Variants in PRH1 observed in about 807,000 individuals in gnomAD.
PRH1 encodes proline rich protein HaeIII subfamily 1, also known as salivary acidic proline-rich phosphoprotein 1/2.
Under a neutral mutation model 7.9 loss-of-function variants are expected in PRH1, and 7 were observed. The observed-to-expected ratio is 0.89, with a 90% confidence interval of 0.50 to 1.67. The LOEUF (loss-of-function observed/expected upper bound fraction) is 1.67, where lower values mean the gene tolerates loss of function less well. Among genes scored for constraint, PRH1 ranks in the 40% most tolerant of loss-of-function variants. The pLI, the probability that PRH1 is intolerant of heterozygous loss-of-function variation, is 0.00. For missense variants in PRH1, 109 were observed against 223.6 expected, an observed-to-expected ratio of 0.49 and a Z score of 3.27; for synonymous variants, 45 against 80.8, an observed-to-expected ratio of 0.56 and a Z score of 2.38.
chr12:10,938,531 G>C lies in PRH1; in HGVS notation c.-59+35124C>G, dbSNP rs1950330728. ...GATCACACTTTTAACTCCTCTGTGG[G>C]CTTTGGTGCTGGCGTCTCCGGATAT... On this transcript the variant is annotated intron_variant, in intron 2 of 3. Transcript: ENST00000539853. 1.9e-6 allele frequency: 3 copies of C among 1,614,026 alleles called. No homozygotes were observed. The African/African-American group carries it at 4.0e-5, about 22-fold the overall frequency.
intron 2 of PRH1, among the ~76,000 whole-genome samples, chr12:10,907,322 G>A (rs1288563737): frequency 3.3e-5 from 5 of 152,038 alleles, no homozygotes; most frequent in Non-Finnish European, 7.4e-5. Context: ...ATTTATAATG[G>A]CCAATAATTG....
intron 1 of PRH1, among the ~76,000 whole-genome samples, chr12:11,136,589 GC>G (rs1461680106): frequency 2.0e-5 from 3 of 151,930 alleles, no homozygotes; most frequent in Non-Finnish European, 4.4e-5. Flanking sequence ...TCTATTTTTT[GC>G]CATTTGCATA....
At chr12:10,940,704 TAC>T (rs1333945933) in intron 2 of PRH1, among the ~76,000 whole-genome samples, 3 of 152,194 alleles carry the variant, frequency 2.0e-5, no homozygotes, top group Admixed American at 2.0e-4. Context: ...AGCAGCATGA[TAC>T]AGTCATTCTT....
intron 2 of PRH1, among the ~76,000 whole-genome samples, chr12:10,901,025 G>A (rs986205637): frequency 3.9e-5 from 6 of 152,110 alleles, no homozygotes; most frequent in Non-Finnish European, 8.8e-5. Flanking sequence ...TACCCTTCCT[G>A]TGCAGAGATT....
chr12:11,162,770 C>A (rs1947453074), intron 1 of PRH1, among the ~76,000 whole-genome samples: 1 of 152,130 alleles, frequency 6.6e-6, no homozygotes, highest in Non-Finnish European at 1.5e-5. Context: ...CTCTATGTCC[C>A]CAACAAATAC....
chr12:11,133,844 A>G, intron 1 of PRH1: 2 of 1,614,188 alleles, frequency 1.2e-6, no homozygotes, highest in South Asian at 1.1e-5. Context: ...CAAAGGCCCC[A>G]ACAGTATCAC....
chr12:11,022,071 T>C (rs1394861984), intron 1 of PRH1: 2 of 1,613,840 alleles, frequency 1.2e-6, no homozygotes, highest in East Asian at 4.5e-5. Flanking sequence ...CATTCCTCAA[T>C]TTGATCTTCC....
chr12:11,094,379 T>C (rs1178858907), intron 1 of PRH1, among the ~76,000 whole-genome samples: 3 of 112,356 alleles, frequency 2.7e-5, no homozygotes, highest in African/African-American at 9.1e-5. Context: ...TTTGGAGGGT[T>C]TTCTCCTGCA....
At chr12:11,156,465 C>A (rs1019223660) in intron 1 of PRH1, among the ~76,000 whole-genome samples, 1 of 152,192 alleles carries the variant, frequency 6.6e-6, no homozygotes, top group African/African-American at 2.4e-5. Context: ...TCTTCCAGAA[C>A]TCCAAAAGTA....
chr12:10,903,186 G>T (rs957602780), intron 2 of PRH1, among the ~76,000 whole-genome samples: 3 of 151,304 alleles, frequency 2.0e-5, no homozygotes. Flanking sequence ...AAATAGAAAA[G>T]AAAAAAAGAA....
chr12:11,090,726 T>C (rs71443636), intron 1 of PRH1, among the ~76,000 whole-genome samples: 37,160 of 114,158 alleles, frequency 0.33, 3,469 homozygotes, highest in East Asian at 0.55. Context: ...TGCTTTTTAC[T>C]AAACATAAAA....
intron 2 of PRH1, among the ~76,000 whole-genome samples, chr12:10,916,828 T>C (rs530425283): frequency 6.6e-6 from 1 of 151,952 alleles, no homozygotes; most frequent in Non-Finnish European, 1.5e-5. Flanking sequence ...TGGGAAGATA[T>C]CTTGAGCCCA....
At chr12:11,114,399 A>G (rs1945674261) in intron 1 of PRH1, among the ~76,000 whole-genome samples, 1 of 152,158 alleles carries the variant, frequency 6.6e-6, no homozygotes, top group African/African-American at 2.4e-5. Context: ...GCAAACTAAC[A>G]CAGGAACAGA....
chr12:10,965,267 A>G, intron 2 of PRH1: 1 of 1,456,626 alleles, frequency 6.9e-7, no homozygotes, highest in Admixed American at 1.8e-5. Flanking sequence ...GGAATTTACC[A>G]ACACTATGAA....
At chr12:10,961,351 G>A (rs947867173) in intron 2 of PRH1, among the ~76,000 whole-genome samples, 1 of 151,044 alleles carries the variant, frequency 6.6e-6, no homozygotes, top group East Asian at 1.9e-4. Flanking sequence ...TCAGAAGATG[G>A]CAGCATCCCC....
rs559476472 is a variant in PRH1 at position 11,061,148 on chromosome 12, T to C, written n.124-13960A>G. The stretch of plus-strand genomic sequence containing the variant: ...AAAAACAAAAAAGAGTATGTCACTG[T>C]CAATGTTCTTTTGTTTTTCATACAA... On this transcript the variant is annotated intron_variant and non_coding_transcript_variant, in intron 1 of 4. Coordinates refer to the PRH1 transcript ENST00000541977. Among the ~76,000 whole-genome samples, 32 of 152,030 alleles carry C rather than the reference T, an allele frequency of 2.1e-4. No homozygotes were observed. In the East Asian group the frequency reaches 5.8e-3, roughly 28 times the overall value.
intron 1 of PRH1, among the ~76,000 whole-genome samples, chr12:11,130,753 T>C (rs1364354733): frequency 6.6e-6 from 1 of 152,162 alleles, no homozygotes; most frequent in East Asian, 1.9e-4. Flanking sequence ...TGCTGAAGTA[T>C]ACTCTGTCTG....
At chr12:10,890,158 G>A (rs1207426422) in intron 2 of PRH1, among the ~76,000 whole-genome samples, 2 of 152,172 alleles carry the variant, frequency 1.3e-5, no homozygotes, top group East Asian at 3.8e-4. Flanking sequence ...GGACATTGGA[G>A]GGTGAAGGCA....
chr12:10,972,093 T>G (rs1256574670), intron 2 of PRH1, among the ~76,000 whole-genome samples: 1 of 152,116 alleles, frequency 6.6e-6, no homozygotes, highest in East Asian at 1.9e-4. Flanking sequence ...TTTGGAGTGT[T>G]TAACAGGCCC....
Sources: allele counts gnomAD v4.1 joint callset (sites outside exome capture counted in the v4.1 genomes callset), GRCh38; gene constraint gnomAD v4.1.1; transcripts MANE v1.5; gene names NCBI Gene and HGNC (gene_info 2026-07-23, HGNC 2026-07-21).